Variants in PID1 observed in about 807,000 individuals in gnomAD.
PID1 encodes the protein phosphotyrosine interaction domain containing 1.
Under a neutral mutation model 19.1 loss-of-function variants are expected in PID1, and 10 were observed. The observed-to-expected ratio is 0.52, with a 90% CI of 0.32 to 0.89. The LOEUF is 0.89. PID1 is among the 40% of genes least tolerant of loss of function. The pLI is 0.03. For missense variants in PID1, 248 were observed against 285.3 expected (o/e 0.87, Z 0.94); for synonymous variants, 130 against 116.0 (o/e 1.12, Z -0.78).
intron 1 of PID1, among the ~76,000 whole-genome samples, chr2:229,194,312 T>C (rs926825622): frequency 6.6e-6 from 1 of 152,066 alleles, no homozygotes. Context: ...GGCAATTCTC[T>C]TTTAAAAAGA....
chr2:229,042,734 T>G (rs1359081745), intron 2 of PID1, among the ~76,000 whole-genome samples: 1 of 152,208 alleles, frequency 6.6e-6, no homozygotes, highest in Admixed American at 6.5e-5. Context: ...ATGCATGATG[T>G]GAAAGTAATT....
intron 2 of PID1, among the ~76,000 whole-genome samples, chr2:229,068,617 C>G (rs1310987654): frequency 6.6e-6 from 1 of 152,082 alleles, no homozygotes; most frequent in African/African-American, 2.4e-5. Context: ...AGTTGGAGAG[C>G]CTTCTGACTT....
chr2:229,067,133 A>T (rs1440480993), intron 2 of PID1, among the ~76,000 whole-genome samples: 2 of 152,092 alleles, frequency 1.3e-5, no homozygotes, highest in African/African-American at 4.8e-5. Flanking sequence ...AGTGCCGAGC[A>T]AAAAGGGGAA....
intron 1 of PID1, among the ~76,000 whole-genome samples, chr2:229,194,083 G>GAATTA (rs1408039753): frequency 6.6e-6 from 1 of 152,086 alleles, no homozygotes; most frequent in Admixed American, 6.6e-5. Context: ...TTCTGGGAGG[G>GAATTA]AATTAAATTT....
chr2:229,112,489 A>T (rs913397604), intron 2 of PID1, among the ~76,000 whole-genome samples: 1 of 151,960 alleles, frequency 6.6e-6, no homozygotes, highest in Non-Finnish European at 1.5e-5. Context: ...TTATTTATTT[A>T]TTTATTTATT....
intron 2 of PID1, among the ~76,000 whole-genome samples, chr2:229,070,641 G>A (rs1340424288): frequency 6.6e-6 from 1 of 152,164 alleles, no homozygotes; most frequent in Non-Finnish European, 1.5e-5. Context: ...TACCAAGAGG[G>A]CATGAAAATG....
chr2:229,168,717 T>A (rs1033011447), intron 1 of PID1, among the ~76,000 whole-genome samples: 1 of 138,934 alleles, frequency 7.2e-6, no homozygotes, highest in Non-Finnish European at 1.6e-5. Flanking sequence ...AATAATTTTT[T>A]TTCCTTGTTT....
At chr2:229,097,258 G>GCC (rs1694990013) in intron 2 of PID1, among the ~76,000 whole-genome samples, 1 of 152,056 alleles carries the variant, frequency 6.6e-6, no homozygotes, top group East Asian at 1.9e-4. Flanking sequence ...CAACCCCCTC[G>GCC]CCCCGTCTTA....
intron 1 of PID1, among the ~76,000 whole-genome samples, chr2:229,204,974 AC>A (rs1559284193): frequency 6.6e-6 from 1 of 152,170 alleles, no homozygotes; most frequent in East Asian, 1.9e-4. Flanking sequence ...CGTTATTAAG[AC>A]CTTTTGGATG....
chr2:229,133,932 C>G (rs13022652), intron 2 of PID1, among the ~76,000 whole-genome samples: 13 of 151,362 alleles, frequency 8.6e-5, no homozygotes, highest in Admixed American at 4.6e-4. Context: ...ATCCCTCCCA[C>G]CTCCCTGAGT....
At chr2:229,167,875 TTTTTA>T (rs375254507) in intron 1 of PID1, among the ~76,000 whole-genome samples, 15 of 152,296 alleles carry the variant, frequency 9.8e-5, no homozygotes, top group African/African-American at 3.4e-4. Flanking sequence ...AATTTTTGAA[TTTTTA>T]TTTTAATTGT....
At chr2:229,060,272 T>G (rs1574595183) in intron 2 of PID1, among the ~76,000 whole-genome samples, 1 of 152,110 alleles carries the variant, frequency 6.6e-6, no homozygotes, top group Non-Finnish European at 1.5e-5. Context: ...GTCTCCCCAT[T>G]CCCTATCTCC....
intron 1 of PID1, among the ~76,000 whole-genome samples, chr2:229,251,958 AAAAAAG>A (rs1690164994): frequency 6.6e-6 from 1 of 151,694 alleles, no homozygotes; most frequent in Non-Finnish European, 1.5e-5. Context: ...AAAAAAAAAA[AAAAAAG>A]AAAAGCTTAA....
chr2:229,163,286 C>A (rs1349184339), intron 1 of PID1, among the ~76,000 whole-genome samples: 1 of 152,068 alleles, frequency 6.6e-6, no homozygotes, highest in Admixed American at 6.6e-5. Context: ...AAAAGAAAAA[C>A]CTACACCAAT....
At chr2:229,236,252 C>T (rs916314856) in intron 1 of PID1, 9 of 152,096 alleles carry the variant, frequency 5.9e-5, no homozygotes, top group African/African-American at 1.9e-4. Flanking sequence ...GCACAGAAGT[C>T]TCCTTAACAT....
chr2:229,114,492 G>C (rs1695371029), intron 2 of PID1, among the ~76,000 whole-genome samples: 1 of 151,998 alleles, frequency 6.6e-6, no homozygotes, highest in Non-Finnish European at 1.5e-5. Context: ...TTGCTCAACA[G>C]CCCCCTAGCT....
chr2:229,211,588 T>C (rs1691734640), intron 1 of PID1, among the ~76,000 whole-genome samples: 1 of 152,200 alleles, frequency 6.6e-6, no homozygotes, highest in African/African-American at 2.4e-5. Context: ...ATGTATATAC[T>C]CTGCCATTAG....
intron 1 of PID1, among the ~76,000 whole-genome samples, chr2:229,187,087 T>C (rs1691148942): frequency 6.6e-6 from 1 of 152,230 alleles, no homozygotes; most frequent in Admixed American, 6.5e-5. Context: ...CATCTCCATC[T>C]GAGACCATCT....
At chr2:229,143,406 T>C (rs747300001) in intron 2 of PID1, among the ~76,000 whole-genome samples, 18 of 152,126 alleles carry the variant, frequency 1.2e-4, no homozygotes, top group Non-Finnish European at 2.6e-4. Flanking sequence ...TCATCTGTCC[T>C]TATATCTTAA....
Sources: allele counts gnomAD v4.1 joint callset (sites outside exome capture counted in the v4.1 genomes callset), GRCh38; gene constraint gnomAD v4.1.1; transcripts MANE v1.5; gene names NCBI Gene and HGNC (gene_info 2026-07-23, HGNC 2026-07-21).